RFX2: variants seen among roughly 807,000 people sequenced by gnomAD.
The protein encoded by RFX2 is DNA-binding protein RFX2.
Under a neutral mutation model 87.8 loss-of-function variants are expected in RFX2, and 20 were observed. The ratio of observed to expected loss-of-function variants is 0.23; its 90% confidence interval spans 0.16 to 0.33. The LOEUF is 0.33. Ranked by LOEUF, RFX2 falls within the 10% of genes least tolerant of loss-of-function variation. RFX2 has a pLI of 1.00. For missense variants in RFX2, 767 were observed against 1,012.3 expected (o/e 0.76, Z 3.29); for synonymous variants, 397 against 431.3 (o/e 0.92, Z 0.98).
rs2086798761 is a variant in RFX2, at chr19:6,020,612, A to T, written c.598-4341T>A. Among the ~76,000 whole-genome samples, 1 of 152,214 alleles carries T rather than the reference A, an allele frequency of 6.6e-6. No homozygotes were observed. The highest frequency in any genetic ancestry group is 2.4e-5 in the African/African-American group (1 of 41,460). On this transcript the variant is annotated intron_variant, in intron 6 of 17. Coordinates refer to ENST00000303657, the MANE Select transcript of RFX2 (RefSeq NM_000635.4). The surrounding 1 kb of genome is among the most constrained non-coding windows in gnomAD (Gnocchi z 5.3). ...CCTGGCGGCACGTCAGACTGCGGCA[A>T]GCATCACAGGTCAGTTCCGTGAAAC...
chr19:6,097,335 A>G (rs1366579127), intron 1 of RFX2, among the ~76,000 whole-genome samples: 3 of 152,076 alleles, frequency 2.0e-5, no homozygotes, highest in Non-Finnish European at 4.4e-5. Flanking sequence ...CCCTGGGCCC[A>G]ACCCTTTCTG....
chr19:6,002,223 C>T lies in RFX2; in HGVS notation c.1651-200G>A, dbSNP rs181354651. Among the ~76,000 whole-genome samples, 121 of 152,372 alleles carry T rather than the reference C, an allele frequency of 7.9e-4. No homozygotes were observed. Among genetic ancestry groups the T allele is most frequent in the African/African-American group, 2.7e-3 (111 of 41,590 alleles). ...GCTGAGGGGGATCGTACCCGGCTTCCGGGGACTCATACCCAGGTCTTTCTG... is the reference window on the plus strand; with the variant it reads ...GCTGAGGGGGATCGTACCCGGCTTCTGGGGACTCATACCCAGGTCTTTCTG... On this transcript the variant is annotated intron_variant, in intron 14 of 17. Transcript: ENST00000303657. The surrounding 1 kb of genome is among the most constrained non-coding windows in gnomAD (Gnocchi z 6.7).
chr19:6,076,221 G>A (rs1208802964), intron 1 of RFX2, among the ~76,000 whole-genome samples: 1 of 152,204 alleles, frequency 6.6e-6, no homozygotes, highest in Non-Finnish European at 1.5e-5. Context: ...GTGCATGCCT[G>A]TAATCCCAGC....
chr19:6,004,204 G>C lies in RFX2; in HGVS notation c.1497C>G (p.Thr499=), dbSNP rs1160180474. 2 of 1,611,274 alleles carry C rather than the reference G, an allele frequency of 1.2e-6. No homozygotes were observed. The highest frequency in any genetic ancestry group is 2.2e-5 in the South Asian group (2 of 90,980). Residue 499 remains threonine (T), a synonymous_variant, in exon 13 of 18, where the codon ACC becomes ACG. Coordinates refer to ENST00000303657, the MANE Select transcript of RFX2 (RefSeq NM_000635.4). This position sits in a 1 kb window ranked among gnomAD's most constrained non-coding sequence, Gnocchi z 4.8. ...MSDFPQQVIQ[T]KVGVVSAFAQ... is the part of the protein sequence containing the mutation. ...CCAGGCCCCACCCCGGACGCACCTT[G>C]GTCTGGATGACCTGTTGTGGGAAGT...
chr19:6,069,803 G>A (rs914789347), intron 1 of RFX2, among the ~76,000 whole-genome samples: 4 of 152,188 alleles, frequency 2.6e-5, no homozygotes, highest in African/African-American at 9.7e-5. Context: ...CTGGAGACAG[G>A]AGGACCAGAT....
At chr19:6,084,326 A>C (rs2087825748) in intron 1 of RFX2, among the ~76,000 whole-genome samples, 1 of 152,236 alleles carries the variant, frequency 6.6e-6, no homozygotes, top group African/African-American at 2.4e-5. Context: ...GGGAAATATG[A>C]CGAGTCAATT....
chr19:6,096,640 G>A (rs549271132), intron 1 of RFX2, among the ~76,000 whole-genome samples: 30 of 152,110 alleles, frequency 2.0e-4, no homozygotes, highest in Admixed American at 2.0e-4. Context: ...TAGAGACGGG[G>A]TTTCACCATG....
chr19:5,996,867 G>A (rs1418232704), intron 16 of RFX2, among the ~76,000 whole-genome samples, 193 bp downstream of exon 16: 1 of 152,272 alleles, frequency 6.6e-6, no homozygotes, highest in African/African-American at 2.4e-5. Context: ...TGGTTTTGAT[G>A]TTTTGAGACA....
At position 5,994,521 on chromosome 19, in the gene RFX2, G is replaced by T; in HGVS notation, c.*314C>A. 1 of 352,222 alleles carries T rather than the reference G, an allele frequency of 2.8e-6. No individual in the cohort carries two copies. The highest frequency in any genetic ancestry group is 4.8e-5 in the East Asian group (1 of 20,896). The allele number at this position is 352,222 out of a possible 1,614,324, so 21.8% of individuals were successfully genotyped here. A position where few individuals can be genotyped will look rare whatever the true frequency, so the allele number is the denominator to read the frequency against. On this transcript the variant is annotated 3_prime_UTR_variant, in exon 18 of 18. Transcript: ENST00000303657. ...CCCTTTCAGCTCTTAAAGGGACTGG[G>T]GCCAAAGTCCAGGGTTCCAGCAGAG... is the stretch of plus-strand genomic sequence containing the variant.
In RFX2 at chr19:6,102,593, T is replaced by C. The variant is rs76831890; in HGVS notation, c.-9+7800A>G. Among the ~76,000 whole-genome samples, 691 of 152,316 alleles carry C rather than the reference T, an allele frequency of 4.5e-3. 8 individuals are homozygous for C. In the East Asian group the frequency reaches 0.07, roughly 15 times the overall value. On this transcript the variant is annotated intron_variant, in intron 1 of 17. Transcript: ENST00000303657. ...GCAGGTTGCCCCTGCCTCTTCTGCC[T>C]CTCCTTGCTTTGCTCGCCAGGCATC... is the stretch of plus-strand genomic sequence containing the variant.
intron 1 of RFX2, among the ~76,000 whole-genome samples, chr19:6,092,043 G>A (rs1416467847): frequency 6.6e-6 from 1 of 152,068 alleles, no homozygotes; most frequent in Non-Finnish European, 1.5e-5. Flanking sequence ...TGTGGAGGTT[G>A]GTGTCTCAGA....
chr19:6,059,817 A>G (rs1235525737), intron 1 of RFX2, among the ~76,000 whole-genome samples: 1 of 152,118 alleles, frequency 6.6e-6, no homozygotes, highest in Admixed American at 6.6e-5. Flanking sequence ...ACACACATAC[A>G]CCACCTGACG....
Position 5,994,644 on chromosome 19 carries a change from C to T in RFX2, c.*191G>A. 2 of 587,962 alleles carry T rather than the reference C, an allele frequency of 3.4e-6. No individual in the cohort carries two copies. The highest frequency in any genetic ancestry group is 4.1e-5 in the South Asian group (2 of 49,330). 36.4% of individuals were successfully genotyped at this position (587,962 alleles called of 1,614,324 possible). On this transcript the variant is annotated 3_prime_UTR_variant, in exon 18 of 18. Coordinates refer to ENST00000303657, the MANE Select transcript of RFX2 (RefSeq NM_000635.4). ...GAGCACAGCTACAGCCAGTGGGAGCCCTGGCCTGGGCTTCTGTAGCTTCAA... is the reference window on the plus strand; with the variant it reads ...GAGCACAGCTACAGCCAGTGGGAGCTCTGGCCTGGGCTTCTGTAGCTTCAA...
Position 6,072,524 on chromosome 19 carries a change from G to A in RFX2, c.-8-25020C>T, listed in dbSNP as rs562628369. 4.2e-4 allele frequency among the ~76,000 whole-genome samples: 64 copies of A among 152,190 alleles called. 1 individual carries two copies. The South Asian group carries it at 0.012, about 29-fold the overall frequency. ...TTGAGAACAGCCTGGGTAACAAAGC[G>A]AGACCTCGTCTCTAGAGAAAAAAAA... On this transcript the variant is annotated intron_variant, in intron 1 of 17. Coordinates refer to ENST00000303657, the MANE Select transcript of RFX2 (RefSeq NM_000635.4).
rs891126578 is a variant in RFX2, at chr19:6,001,436, T to C, written c.1859+379A>G. 1.3e-5 allele frequency among the ~76,000 whole-genome samples: 2 copies of C among 152,190 alleles called. No homozygotes were observed. Among genetic ancestry groups the C allele is most frequent in the Non-Finnish European group, 2.9e-5 (2 of 68,032 alleles). On this transcript the variant is annotated intron_variant, in intron 15 of 17. Transcript: ENST00000303657. The surrounding 1 kb of genome is among the most constrained non-coding windows in gnomAD (Gnocchi z 5.6). ...GCCACCACGTCCAGCTAAGTTTTTT[T>C]ACTTTTTGTAGAGGTCCTGATATTT...
intron 9 of RFX2, among the ~76,000 whole-genome samples, chr19:6,008,503 A>C (rs2086619278): frequency 6.8e-6 from 1 of 147,062 alleles, no homozygotes; most frequent in South Asian, 2.2e-4. Context: ...CGCCCGAGTA[A>C]CTGGGATTAC....
chr19:6,052,911 G>A (rs890281406), intron 1 of RFX2, among the ~76,000 whole-genome samples: 3 of 151,964 alleles, frequency 2.0e-5, no homozygotes, highest in Non-Finnish European at 2.9e-5. Context: ...AAAAAAAGAA[G>A]TAAAATTATT....
intron 17 of RFX2, among the ~76,000 whole-genome samples, chr19:5,995,320 C>T (rs1478865444): frequency 6.6e-6 from 1 of 152,122 alleles, no homozygotes; most frequent in Non-Finnish European, 1.5e-5. Context: ...TGGGCGTGGG[C>T]GCAGGAGACC....
intron 1 of RFX2, among the ~76,000 whole-genome samples, chr19:6,104,054 C>G (rs992767466): frequency 2.6e-5 from 4 of 152,120 alleles, no homozygotes; most frequent in Admixed American, 2.6e-4. Flanking sequence ...AGATGTCAAA[C>G]CTTGCCCCAG....
Sources: gnomAD v4.1 joint callset for allele counts (sites outside exome capture counted in the v4.1 genomes callset) on GRCh38, gnomAD v4.1.1 for gene constraint, Gnocchi (gnomAD v3.1) non-coding constraint, MANE v1.5 for transcripts, NCBI Gene and HGNC (gene_info 2026-07-23, HGNC 2026-07-21) for gene names.